LUZP2: variants seen among roughly 807,000 people sequenced by gnomAD.
LUZP2 encodes the protein leucine zipper protein 2.
LUZP2 carries 52 observed loss-of-function variants against 51.6 expected under a neutral mutation model. The ratio of observed to expected loss-of-function variants is 1.01; its 90% CI spans 0.81 to 1.27. The LOEUF is 1.27. Among genes scored for constraint, LUZP2 ranks in the 50% most tolerant of loss-of-function variants. The pLI, the probability that LUZP2 is intolerant of heterozygous loss-of-function variation, is 0.00. For synonymous variants in LUZP2, 154 were observed against 137.3 expected (o/e 1.12, Z -0.85); for missense variants, 436 against 395.4 (o/e 1.10, Z -0.87).
chr11:24,783,676 G>A (rs1195414024), intron 5 of LUZP2, among the ~76,000 whole-genome samples: 2 of 151,928 alleles, frequency 1.3e-5, no homozygotes, highest in Admixed American at 1.3e-4. Flanking sequence ...AAAACTCCTT[G>A]TCAGAGCTAG....
intron 7 of LUZP2, among the ~76,000 whole-genome samples, chr11:24,948,485 A>C (rs1384252114): frequency 1.3e-5 from 2 of 151,708 alleles, no homozygotes; most frequent in Non-Finnish European, 3.0e-5. Context: ...ATATGTATAG[A>C]GTCTGAAGAG....
chr11:24,629,884 T>C (rs1854818620), intron 1 of LUZP2, among the ~76,000 whole-genome samples: 1 of 151,924 alleles, frequency 6.6e-6, no homozygotes, highest in African/African-American at 2.4e-5. Context: ...AATAATAACC[T>C]TTCTGAGTTG....
At chr11:24,934,134 A>G (rs1051751779) in intron 7 of LUZP2, among the ~76,000 whole-genome samples, 14 of 152,194 alleles carry the variant, frequency 9.2e-5, no homozygotes, top group South Asian at 6.2e-4. Flanking sequence ...AACAAATCAC[A>G]ATGGTGGAAT....
intron 1 of LUZP2, among the ~76,000 whole-genome samples, chr11:24,595,103 A>T (rs1853396870): frequency 6.6e-6 from 1 of 151,046 alleles, no homozygotes. Context: ...AGGCCTGGGA[A>T]TTGCTGTGCT....
intron 11 of LUZP2, among the ~76,000 whole-genome samples, chr11:25,078,193 C>T (rs1183647875): frequency 6.6e-6 from 1 of 152,104 alleles, no homozygotes; most frequent in Middle Eastern, 3.2e-3. Flanking sequence ...TTATACTTGA[C>T]CAAAAATATT....
chr11:24,922,591 TG>T (rs1358335059), intron 7 of LUZP2, among the ~76,000 whole-genome samples: 3 of 152,192 alleles, frequency 2.0e-5, no homozygotes. Flanking sequence ...AAATGAGGTT[TG>T]GTGCCAAAAT....
At chr11:24,737,629 C>T (rs1043604598) in intron 3 of LUZP2, among the ~76,000 whole-genome samples, 8 of 152,070 alleles carry the variant, frequency 5.3e-5, no homozygotes, top group Non-Finnish European at 1.2e-4. Flanking sequence ...TCCTTATGTG[C>T]TACTGAGCTT....
chr11:24,808,025 A>G (rs1398502831), intron 5 of LUZP2, among the ~76,000 whole-genome samples: 1 of 152,158 alleles, frequency 6.6e-6, no homozygotes, highest in Non-Finnish European at 1.5e-5. Flanking sequence ...GCATTGTCAA[A>G]TTGATGGGAA....
At chr11:24,936,831 T>G (rs1854600357) in intron 7 of LUZP2, among the ~76,000 whole-genome samples, 1 of 152,186 alleles carries the variant, frequency 6.6e-6, no homozygotes, top group South Asian at 2.1e-4. Context: ...TTTTAATTTT[T>G]CATTCCAATT....
intron 1 of LUZP2, among the ~76,000 whole-genome samples, chr11:24,694,192 C>T (rs1857167333): frequency 6.6e-6 from 1 of 152,050 alleles, no homozygotes; most frequent in Non-Finnish European, 1.5e-5. Context: ...TCCTACTTGC[C>T]TGTTGCTCAC....
chr11:24,499,420 A>G (rs968431538), intron 1 of LUZP2, among the ~76,000 whole-genome samples: 1 of 152,214 alleles, frequency 6.6e-6, no homozygotes, highest in South Asian at 2.1e-4. Context: ...AACAGTTCTT[A>G]TAGGCACATG....
chr11:24,773,193 A>G (rs1848802704), intron 5 of LUZP2, among the ~76,000 whole-genome samples: 2 of 151,154 alleles, frequency 1.3e-5, no homozygotes, highest in South Asian at 4.2e-4. Flanking sequence ...TTATCTGTAT[A>G]TTTATTTCTG....
chr11:24,603,074 T>C (rs1487841098), intron 1 of LUZP2, among the ~76,000 whole-genome samples: 2 of 151,872 alleles, frequency 1.3e-5, no homozygotes, highest in African/African-American at 2.4e-5. Flanking sequence ...ATAGCTTCTA[T>C]ACGGCTATGG....
At chr11:24,784,537 A>T (rs1849183839) in intron 5 of LUZP2, among the ~76,000 whole-genome samples, 1 of 152,046 alleles carries the variant, frequency 6.6e-6, no homozygotes, top group East Asian at 1.9e-4. Context: ...TTTCAAAAAC[A>T]AGATGTATTC....
intron 1 of LUZP2, among the ~76,000 whole-genome samples, chr11:24,562,210 C>A (rs1852062686): frequency 6.6e-6 from 1 of 151,964 alleles, no homozygotes; most frequent in Non-Finnish European, 1.5e-5. Context: ...TTCTTGTAAT[C>A]CTTTTGAAAC....
intron 1 of LUZP2, among the ~76,000 whole-genome samples, chr11:24,623,314 A>C (rs1487589445): frequency 6.6e-6 from 1 of 152,240 alleles, no homozygotes; most frequent in Non-Finnish European, 1.5e-5. Context: ...GCTTAAAATA[A>C]TAAAATCAGA....
chr11:24,511,434 A>T (rs200306897), intron 1 of LUZP2, among the ~76,000 whole-genome samples: 1 of 152,110 alleles, frequency 6.6e-6, no homozygotes, highest in East Asian at 1.9e-4. Context: ...CAATGGCAAG[A>T]TTTTGGATTA....
At chr11:24,861,113 C>T (rs1054722846) in intron 5 of LUZP2, among the ~76,000 whole-genome samples, 8 of 152,100 alleles carry the variant, frequency 5.3e-5, no homozygotes, top group Non-Finnish European at 1.5e-5. Context: ...ATGTAAACGA[C>T]CTGATGAATC....
At chr11:24,865,870 C>G (rs1354208617) in intron 5 of LUZP2, among the ~76,000 whole-genome samples, 2 of 151,522 alleles carry the variant, frequency 1.3e-5, no homozygotes, top group Non-Finnish European at 2.9e-5. Context: ...AGTGCAGTGG[C>G]ATGATCTTGG....
Sources: allele counts gnomAD v4.1 joint callset (sites outside exome capture counted in the v4.1 genomes callset), GRCh38; gene constraint gnomAD v4.1.1; transcripts MANE v1.5; gene names NCBI Gene and HGNC (gene_info 2026-07-23, HGNC 2026-07-21).